Variants in TIAM2 observed in about 807,000 individuals in gnomAD.
TIAM2 encodes the protein rho guanine nucleotide exchange factor TIAM2.
TIAM2 carries 80 observed loss-of-function variants against 152.9 expected under a neutral mutation model. The ratio of observed to expected loss-of-function variants is 0.52; its 90% CI spans 0.44 to 0.63. The LOEUF (loss-of-function observed/expected upper bound fraction) is 0.63. Ranked by LOEUF, TIAM2 falls within the 30% of genes least tolerant of loss-of-function variation. TIAM2 has a pLI of 0.00. For missense variants in TIAM2, 1,965 were observed against 2,120.1 expected, an observed-to-expected ratio of 0.93 and a Z score of 1.44; for synonymous variants, 804 against 838.0, an observed-to-expected ratio of 0.96 and a Z score of 0.70.
In TIAM2 at chr6:155,165,411, T is replaced by G; in HGVS notation, c.2361+2T>G. 1 of 1,609,440 alleles carries G rather than the reference T, an allele frequency of 6.2e-7. No individual in the cohort carries two copies. The highest frequency in any genetic ancestry group is 8.5e-7 in the Non-Finnish European group (1 of 1,178,652). On this transcript the variant is annotated splice_donor_variant, in intron 9 of 26. Transcript: ENST00000682666. LOFTEE classifies it high-confidence loss of function. ...GAGAAGAGACCTTCTATAACTCAGG[T>G]GAGCTTTTCAGCATGGGAACAGCAG... is the stretch of plus-strand genomic sequence containing the variant.
At chr6:155,164,680 C>A (rs1005050898) in intron 8 of TIAM2, 80 bp downstream of exon 8, 5 of 1,506,786 alleles carry the variant, frequency 3.3e-6, no homozygotes, top group East Asian at 2.3e-5. Flanking sequence ...TTGTTGCCAT[C>A]GGCACTTGTG....
At chr6:155,130,850 C>G (rs1265742907) in intron 4 of TIAM2, among the ~76,000 whole-genome samples, 2 of 152,190 alleles carry the variant, frequency 1.3e-5, no homozygotes, top group Non-Finnish European at 2.9e-5. Context: ...GGCTCTTTTC[C>G]TCTTCTTATA....
intron 14 of TIAM2, among the ~76,000 whole-genome samples, chr6:155,188,462 A>G (rs1303215210): frequency 6.6e-6 from 1 of 152,216 alleles, no homozygotes; most frequent in Non-Finnish European, 1.5e-5. Flanking sequence ...TTTCTGTTCT[A>G]GTTATTCACA....
intron 17 of TIAM2, among the ~76,000 whole-genome samples, 154 bp from the exon 18 acceptor site, chr6:155,244,504 C>T (rs2115325075): frequency 6.6e-6 from 1 of 152,236 alleles, no homozygotes; most frequent in South Asian, 2.1e-4. Context: ...TAAGCCATAT[C>T]CCATAATGAA....
intron 15 of TIAM2, among the ~76,000 whole-genome samples, chr6:155,228,242 T>C (rs1340811292): frequency 6.6e-6 from 1 of 152,192 alleles, no homozygotes; most frequent in Non-Finnish European, 1.5e-5. Context: ...TTCTGTAGGA[T>C]AGACTTTACC....
At chr6:155,192,996 G>A (rs1252724558) in intron 14 of TIAM2, among the ~76,000 whole-genome samples, 1 of 152,136 alleles carries the variant, frequency 6.6e-6, no homozygotes, top group African/African-American at 2.4e-5. Context: ...TCTTGTACTT[G>A]GAATAGATCT....
intron 15 of TIAM2, among the ~76,000 whole-genome samples, chr6:155,236,480 T>C (rs1358384767): frequency 6.6e-6 from 1 of 152,002 alleles, no homozygotes; most frequent in Non-Finnish European, 1.5e-5. Flanking sequence ...CTGGCCAACA[T>C]GGCAAAACCC....
chr6:155,005,725 G>T (rs191016817), intron 1 of TIAM2, among the ~76,000 whole-genome samples: 54 of 149,402 alleles, frequency 3.6e-4, no homozygotes, highest in African/African-American at 1.3e-3. Flanking sequence ...GTGTAATCTC[G>T]GCTCACTGCA....
intron 1 of TIAM2, among the ~76,000 whole-genome samples, chr6:154,998,021 C>G (rs9322494): frequency 6.6e-6 from 1 of 151,938 alleles, no homozygotes; most frequent in East Asian, 1.9e-4. Context: ...ATACAGAAAT[C>G]TGCTTCAGTT....
intron 4 of TIAM2, among the ~76,000 whole-genome samples, chr6:155,135,055 A>G (rs1779528393): frequency 6.6e-6 from 1 of 152,118 alleles, no homozygotes; most frequent in Non-Finnish European, 1.5e-5. Flanking sequence ...AACTCTAAGT[A>G]TTTCTAAAGT....
At chr6:155,168,518 G>T (rs1780498729) in intron 9 of TIAM2, among the ~76,000 whole-genome samples, 1 of 151,976 alleles carries the variant, frequency 6.6e-6, no homozygotes, top group South Asian at 2.1e-4. Flanking sequence ...CACCACATCT[G>T]GCTAATTTTT....
intron 1 of TIAM2, among the ~76,000 whole-genome samples, chr6:155,064,881 T>TTTCTACCCCTCTA (rs1554227843): frequency 6.6e-6 from 1 of 151,496 alleles, no homozygotes; most frequent in Non-Finnish European, 1.5e-5. Context: ...TTTCCCTTCC[T>TTTCTACCCCTCTA]TTCTCCCCTC....
At chr6:155,061,930 G>C (rs1377436421) in intron 1 of TIAM2, among the ~76,000 whole-genome samples, 1 of 152,136 alleles carries the variant, frequency 6.6e-6, no homozygotes, top group Non-Finnish European at 1.5e-5. Context: ...GTGCTGTACT[G>C]AACAGTTCTA....
chr6:155,130,862 G>A (rs529198810), intron 4 of TIAM2, among the ~76,000 whole-genome samples: 1 of 152,180 alleles, frequency 6.6e-6, no homozygotes, highest in South Asian at 2.1e-4. Flanking sequence ...CTTCTTATAA[G>A]GACCCTAATC....
intron 2 of TIAM2, among the ~76,000 whole-genome samples, chr6:155,101,276 C>G (rs1195266776): frequency 6.6e-6 from 1 of 152,150 alleles, no homozygotes; most frequent in East Asian, 1.9e-4. Flanking sequence ...TCATCTGGGA[C>G]ATTTTTGCTA....
chr6:155,251,813 C>T (rs117092592), intron 22 of TIAM2, 132 bp from the exon 23 acceptor site: 21,600 of 694,738 alleles, frequency 0.031, 455 homozygotes, highest in Non-Finnish European at 0.042. Context: ...TTTATTCACT[C>T]ATGTTGGCAG....
chr6:155,139,969 A>T (rs182223346), intron 5 of TIAM2, among the ~76,000 whole-genome samples: 10 of 152,178 alleles, frequency 6.6e-5, no homozygotes, highest in Non-Finnish European at 1.2e-4. Context: ...ACAAACCAAA[A>T]CAAGTATTAT....
At chr6:155,208,302 G>A (rs1176824153) in intron 14 of TIAM2, among the ~76,000 whole-genome samples, 2 of 151,822 alleles carry the variant, frequency 1.3e-5, no homozygotes, top group South Asian at 2.1e-4. Context: ...CTTTTTTGAC[G>A]GCCTTATACT....
intron 14 of TIAM2, among the ~76,000 whole-genome samples, chr6:155,187,128 CCT>C (rs1259554075): frequency 6.6e-6 from 1 of 152,074 alleles, no homozygotes; most frequent in African/African-American, 2.4e-5. Context: ...TTTATAGCCC[CCT>C]GTCGAGCACT....
Sources: gnomAD v4.1 joint callset for allele counts (sites outside exome capture counted in the v4.1 genomes callset) on GRCh38, gnomAD v4.1.1 for gene constraint, MANE v1.5 for transcripts, NCBI Gene and HGNC (gene_info 2026-07-23, HGNC 2026-07-21) for gene names.